NRXN1: variants seen among roughly 807,000 people sequenced by gnomAD.
The protein encoded by NRXN1 is neurexin 1.
NRXN1 carries 39 observed loss-of-function variants against 150.9 expected under a neutral mutation model. The observed-to-expected ratio is 0.26, with a 90% CI of 0.20 to 0.34. NRXN1 has a LOEUF of 0.34. NRXN1 is among the 10% of genes least tolerant of loss of function. NRXN1 has a pLI of 1.00. For synonymous variants in NRXN1, 924 were observed against 757.0 expected (o/e 1.22, Z -3.62); for missense variants, 1,815 against 1,949.9 (o/e 0.93, Z 1.30).
chr2:50,357,300 T>TTA (rs1420679107), intron 17 of NRXN1, among the ~76,000 whole-genome samples: 2 of 143,720 alleles, frequency 1.4e-5, no homozygotes, highest in Non-Finnish European at 3.0e-5. Flanking sequence ...ATTTATTTAT[T>TTA]TATTTTTTTT....
chr2:50,484,425 GA>G (rs1186792167), intron 15 of NRXN1, among the ~76,000 whole-genome samples: 3 of 152,126 alleles, frequency 2.0e-5, no homozygotes. Context: ...AGGAGAAATG[GA>G]GATACTTAAA....
intron 18 of NRXN1, among the ~76,000 whole-genome samples, chr2:50,129,162 T>C (rs1391862946): frequency 6.6e-6 from 1 of 152,008 alleles, no homozygotes; most frequent in Non-Finnish European, 1.5e-5. Context: ...TTATCCTATC[T>C]GAATACATCA....
intron 17 of NRXN1, among the ~76,000 whole-genome samples, chr2:50,431,278 C>T (rs771188670): frequency 1.6e-4 from 24 of 152,154 alleles, no homozygotes; most frequent in Non-Finnish European, 2.8e-4. Context: ...CTTACCTATT[C>T]GTTTCCCTTG....
intron 22 of NRXN1, among the ~76,000 whole-genome samples, chr2:49,929,411 C>T (rs1669727637): frequency 6.6e-6 from 1 of 152,186 alleles, no homozygotes; most frequent in Non-Finnish European, 1.5e-5. Flanking sequence ...ACAGCTTAGT[C>T]ATCTATAAGC....
Position 50,531,287 on chromosome 2 carries a change from A to T in NRXN1, c.2287T>A (p.Ser763Thr). The T allele has an allele frequency of 6.2e-7, 1 of 1,613,588 alleles. No individual in the cohort carries two copies. Among genetic ancestry groups the T allele is most frequent in the Non-Finnish European group, 8.5e-7 (1 of 1,179,726 alleles). ...GILMATTSRD[S>T]ADTLRLELDA... ...AGCTCCAGGCGGAGGGTGTCAGCAG[A>T]GTCTCTAGAAGTGGTTGCCATCAGA... Residue 763 changes from serine to threonine, a missense_variant, in exon 11 of 23, where the codon TCT becomes ACT. This residue lies in a region of NRXN1 where 638 missense variants were observed against 652.6 expected (regional missense o/e 0.98). Coordinates refer to ENST00000401669, the MANE Select transcript of NRXN1 (RefSeq NM_001330078.2).
intron 5 of NRXN1, among the ~76,000 whole-genome samples, chr2:50,736,788 T>C (rs933642726): frequency 2.6e-5 from 4 of 152,098 alleles, no homozygotes; most frequent in Non-Finnish European, 4.4e-5. Flanking sequence ...GGGTATGCCT[T>C]TATCAGGAGC....
At position 50,733,891 on chromosome 2, in the gene NRXN1, C is replaced by T. The variant is rs186153901; in HGVS notation, c.833-110276G>A. 2.6e-5 allele frequency among the ~76,000 whole-genome samples: 4 copies of T among 152,174 alleles called. 1 individual carries two copies. The highest frequency in any genetic ancestry group is 9.6e-5 in the African/African-American group (4 of 41,508). ...TTTAAATCTTCTAACTACCTAAAAACTCTATTTTTTTCACATTCGTATATT... is the reference window on the plus strand; with the variant it reads ...TTTAAATCTTCTAACTACCTAAAAATTCTATTTTTTTCACATTCGTATATT... On this transcript the variant is annotated intron_variant, in intron 5 of 22. Coordinates refer to ENST00000401669, the MANE Select transcript of NRXN1 (RefSeq NM_001330078.2).
chr2:50,975,728 C>A (rs1044837357), intron 2 of NRXN1, among the ~76,000 whole-genome samples: 1 of 152,152 alleles, frequency 6.6e-6, no homozygotes, highest in East Asian at 1.9e-4. Flanking sequence ...CTTGAATTCA[C>A]ACGGGAATGC....
intron 5 of NRXN1, among the ~76,000 whole-genome samples, chr2:50,890,934 T>C (rs1160746524): frequency 1.3e-5 from 2 of 151,968 alleles, no homozygotes; most frequent in Non-Finnish European, 2.9e-5. Context: ...ATAAAATAAG[T>C]AGATATTTAA....
At chr2:50,679,459 G>C (rs1244766661) in intron 5 of NRXN1, among the ~76,000 whole-genome samples, 1 of 151,478 alleles carries the variant, frequency 6.6e-6, no homozygotes, top group Non-Finnish European at 1.5e-5. Context: ...AGCTCTCCCA[G>C]AATCAAGATT....
chr2:50,864,090 A>G (rs1170084610), intron 5 of NRXN1, among the ~76,000 whole-genome samples: 4 of 152,012 alleles, frequency 2.6e-5, no homozygotes, highest in Non-Finnish European at 4.4e-5. Context: ...CTCAATTTAC[A>G]CACAAAAGGT....
At chr2:50,387,203 T>C (rs1201837492) in intron 17 of NRXN1, among the ~76,000 whole-genome samples, 1 of 152,076 alleles carries the variant, frequency 6.6e-6, no homozygotes, top group Non-Finnish European at 1.5e-5. Flanking sequence ...GAAAAGGAGG[T>C]GGTGAAGGAA....
chr2:50,206,649 G>A (rs182544010), intron 18 of NRXN1, among the ~76,000 whole-genome samples: 58 of 151,936 alleles, frequency 3.8e-4, no homozygotes, highest in African/African-American at 1.4e-3. Context: ...TGGACCCTCA[G>A]GTTGACAATC....
intron 17 of NRXN1, among the ~76,000 whole-genome samples, chr2:50,454,016 C>A (rs972284492): frequency 1.3e-5 from 2 of 152,088 alleles, no homozygotes; most frequent in Admixed American, 1.3e-4. Flanking sequence ...AATATCCTAG[C>A]AGTTGTCAAA....
At chr2:50,933,040 CA>C (rs1488522333) in intron 2 of NRXN1, among the ~76,000 whole-genome samples, 1 of 151,634 alleles carries the variant, frequency 6.6e-6, no homozygotes, top group Non-Finnish European at 1.5e-5. Context: ...CAAGAAAAAA[CA>C]AAACAAAACA....
chr2:50,650,393 G>A (rs969018002), intron 5 of NRXN1, among the ~76,000 whole-genome samples: 7 of 151,984 alleles, frequency 4.6e-5, no homozygotes, highest in African/African-American at 9.7e-5. Flanking sequence ...CTCGCTTTCC[G>A]GTTTTATGCT....
intron 5 of NRXN1, among the ~76,000 whole-genome samples, chr2:50,655,987 G>A (rs527792105): frequency 2.0e-5 from 3 of 151,888 alleles, no homozygotes; most frequent in South Asian, 2.1e-4. Flanking sequence ...GGAAAGCATC[G>A]ACCTCTAGGC....
chr2:50,921,922 A>G lies in NRXN1; in HGVS notation c.821-42T>C, dbSNP rs372792761. ...ATGGGTCCATGAAGAAAGGGTTTCCAGACAAAGAGGATAAAGAGGAGAAAA... is the reference window on the plus strand; with the variant it reads ...ATGGGTCCATGAAGAAAGGGTTTCCGGACAAAGAGGATAAAGAGGAGAAAA... On this transcript the variant is annotated intron_variant, in intron 4 of 22. Coordinates refer to ENST00000401669, the MANE Select transcript of NRXN1 (RefSeq NM_001330078.2). The G allele has an allele frequency of 1.2e-5, 15 of 1,287,190 alleles. No individual in the cohort carries two copies. In the African/African-American group the frequency reaches 1.5e-4, roughly 13 times the overall value. The allele number at this position is 1,287,190 out of a possible 1,614,324, so 79.7% of individuals were successfully genotyped here.
At chr2:50,554,058 T>C (rs1402844448) in intron 8 of NRXN1, among the ~76,000 whole-genome samples, 1 of 152,172 alleles carries the variant, frequency 6.6e-6, no homozygotes, top group Non-Finnish European at 1.5e-5. Flanking sequence ...TAGGTCCACA[T>C]AGCTGTCTAG....
Sources: gnomAD v4.1 joint callset for allele counts (sites outside exome capture counted in the v4.1 genomes callset) on GRCh38, gnomAD v4.1.1 for gene constraint, gnomAD v4.1.1 regional missense constraint, MANE v1.5 for transcripts, NCBI Gene and HGNC (gene_info 2026-07-23, HGNC 2026-07-21) for gene names.